FBN2: variants seen among roughly 807,000 people sequenced by gnomAD.
FBN2 encodes the protein fibrillin-2.
A neutral mutation model predicts 355.6 loss-of-function variants in FBN2; 105 were observed. The observed-to-expected ratio is 0.30, with a 90% confidence interval of 0.25 to 0.35. The LOEUF is 0.35. Among genes scored for constraint, FBN2 ranks in the 10% least tolerant of loss-of-function variants. The pLI, the probability that FBN2 is intolerant of heterozygous loss-of-function variation, is 1.00. For synonymous variants in FBN2, 1,350 were observed against 1,301.2 expected, an observed-to-expected ratio of 1.04 and a Z score of -0.81; for missense variants, 3,280 against 3,758.7, an observed-to-expected ratio of 0.87 and a Z score of 3.33.
intron 19 of FBN2, among the ~76,000 whole-genome samples, chr5:128,359,258 C>A (rs1386835198): frequency 2.6e-5 from 4 of 151,900 alleles, no homozygotes; most frequent in Non-Finnish European, 5.9e-5. Flanking sequence ...GTGCACAAGA[C>A]AAATATACAA....
At chr5:128,452,241 T>C (rs1161033691) in intron 6 of FBN2, among the ~76,000 whole-genome samples, 1 of 152,198 alleles carries the variant, frequency 6.6e-6, no homozygotes, top group African/African-American at 2.4e-5. Context: ...ATGACCAGAC[T>C]GTACAGATGT....
intron 17 of FBN2, 114 bp from the exon 18 acceptor site, chr5:128,364,839 C>G: frequency 1.1e-6 from 1 of 880,408 alleles, no homozygotes. Context: ...TGCAAACTCA[C>G]AATTTGCCTG....
At chr5:128,454,444 G>T (rs1754332348) in intron 6 of FBN2, among the ~76,000 whole-genome samples, 1 of 152,152 alleles carries the variant, frequency 6.6e-6, no homozygotes, top group Non-Finnish European at 1.5e-5. Flanking sequence ...GGTTAATGTA[G>T]GCAGCCAAGA....
At chr5:128,444,054 C>CTTTTTTTTTTTTTTTTTTTTTTTTTTTTT (rs35768962) in intron 7 of FBN2, among the ~76,000 whole-genome samples, 1 of 65,624 alleles carries the variant, frequency 1.5e-5, no homozygotes, top group Non-Finnish European at 2.9e-5. Context: ...ATCACTTGTT[C>CTTTTTTTTTTTTTTTTTTTTTTTTTTTTT]TTTTTTTTTT....
chr5:128,422,633 C>T (rs1041324718), intron 7 of FBN2, among the ~76,000 whole-genome samples: 7 of 152,120 alleles, frequency 4.6e-5, no homozygotes, highest in African/African-American at 1.7e-4. Flanking sequence ...ACATTTTGCT[C>T]TGGAAAAATG....
intron 36 of FBN2, 147 bp from the exon 37 acceptor site, chr5:128,312,942 T>A: frequency 1.1e-6 from 1 of 903,192 alleles, no homozygotes; most frequent in Non-Finnish European, 1.8e-6. Flanking sequence ...AGCAATCTCC[T>A]GCTTTTCAGC....
chr5:128,273,381 C>T (rs1765311372), intron 61 of FBN2, among the ~76,000 whole-genome samples: 2 of 152,130 alleles, frequency 1.3e-5, no homozygotes, highest in Non-Finnish European at 2.9e-5. Context: ...GAGCTTGACT[C>T]GTAAAAAACA....
rs1756360996 is a variant in FBN2 at position 128,519,076 on chromosome 5, T to C, written c.628+197A>G. On this transcript the variant is annotated intron_variant, in intron 5 of 64. Coordinates refer to ENST00000262464, the MANE Select transcript of FBN2 (RefSeq NM_001999.4). ...CCAGAGTTGGCCGCCCAAACTGAGT[T>C]CACTGGTGGAAAAAGTTGAGACACT... Among the ~76,000 whole-genome samples the C allele has an allele frequency of 2.0e-5, 3 of 152,158 alleles. 1 individual carries two copies. The highest frequency in any genetic ancestry group is 7.2e-5 in the African/African-American group (3 of 41,438).
chr5:128,288,668 A>G lies in FBN2; in HGVS notation c.6638-111T>C, dbSNP rs1749228162. 5 of 1,251,426 alleles carry G rather than the reference A, an allele frequency of 4.0e-6. 1 individual carries two copies. The highest frequency in any genetic ancestry group is 2.4e-5 in the South Asian group (2 of 82,836). The allele number at this position is 1,251,426 out of a possible 1,614,324, so 77.5% of individuals were successfully genotyped here. On this transcript the variant is annotated intron_variant, in intron 52 of 64. Transcript: ENST00000262464. ...CATTTCCAGGATCTGAGAAGGGCAC[A>G]TGTAACCCTGGCATCCCTTGGGCCT...
At chr5:128,398,973 TA>T (rs1415096050) in intron 8 of FBN2, among the ~76,000 whole-genome samples, 1 of 152,228 alleles carries the variant, frequency 6.6e-6, no homozygotes, top group African/African-American at 2.4e-5. Flanking sequence ...GTAAGTCCAA[TA>T]AATCTCTGTC....
chr5:128,424,434 G>T (rs750064803), intron 7 of FBN2, among the ~76,000 whole-genome samples: 1 of 152,142 alleles, frequency 6.6e-6, no homozygotes, highest in South Asian at 2.1e-4. Context: ...CCAAGGAGAA[G>T]ATAGAAAGGG....
chr5:128,385,006 C>T (rs1752329140), intron 11 of FBN2, among the ~76,000 whole-genome samples: 1 of 152,046 alleles, frequency 6.6e-6, no homozygotes, highest in South Asian at 2.1e-4. Context: ...TCAATTGGCT[C>T]AGAACTCAGA....
intron 13 of FBN2, among the ~76,000 whole-genome samples, chr5:128,377,137 T>C (rs1473831699): frequency 6.6e-6 from 1 of 152,164 alleles, no homozygotes; most frequent in Non-Finnish European, 1.5e-5. Flanking sequence ...ACCAAAAAGA[T>C]AATATAATTT....
At chr5:128,334,444 T>A (rs900238996) in intron 31 of FBN2, among the ~76,000 whole-genome samples, 4 of 151,980 alleles carry the variant, frequency 2.6e-5, no homozygotes, top group African/African-American at 9.7e-5. Flanking sequence ...TGAACGACCA[T>A]AAGTGGTCAG....
In FBN2 at chr5:128,272,600, C is replaced by T. The variant is rs575752864; in HGVS notation, c.7841-482G>A. 1.9e-3 allele frequency among the ~76,000 whole-genome samples: 281 copies of T among 151,374 alleles called. 2 individuals carry two copies. In the Middle Eastern group the frequency reaches 0.021, roughly 11 times the overall value. ...ACCTAAAAAGTACAATTATATTGCA[C>T]GTAAAAATTTTTATTACCATTCAAG... On this transcript the variant is annotated intron_variant, in intron 61 of 64. Transcript: ENST00000262464.
At chr5:128,297,413 A>T (rs1749555023) in intron 48 of FBN2, among the ~76,000 whole-genome samples, 1 of 152,088 alleles carries the variant, frequency 6.6e-6, no homozygotes, top group African/African-American at 2.4e-5. Flanking sequence ...TGTCTCGTTG[A>T]TCTGTCTAAT....
intron 64 of FBN2, 75 bp from the exon 65 acceptor site, chr5:128,259,904 A>G (rs1355147699): frequency 2.6e-5 from 39 of 1,513,650 alleles, no homozygotes; most frequent in Non-Finnish European, 3.5e-5. Flanking sequence ...GATCAGCTGC[A>G]GGGGCTTTGG....
chr5:128,327,572 A>ATT (rs61333538), intron 34 of FBN2, among the ~76,000 whole-genome samples: 1,755 of 138,172 alleles, frequency 0.013, 18 homozygotes, highest in Non-Finnish European at 0.017. Context: ...GCAGTTAGGT[A>ATT]TTTTTTTTTT....
chr5:128,376,885 T>G (rs1398751205), intron 13 of FBN2, 32 bp from the exon 14 acceptor site: 7 of 1,611,318 alleles, frequency 4.3e-6, no homozygotes, highest in Admixed American at 3.3e-5. Flanking sequence ...CTTTGAACAC[T>G]GGCCTTGAGG....
Sources: gnomAD v4.1 joint callset for allele counts (sites outside exome capture counted in the v4.1 genomes callset) on GRCh38, gnomAD v4.1.1 for gene constraint, MANE v1.5 for transcripts, NCBI Gene and HGNC (gene_info 2026-07-23, HGNC 2026-07-21) for gene names.